The following MRGPRG variants were observed in gnomAD, a reference collection of about 807,000 sequenced individuals.
The protein encoded by MRGPRG is MAS related GPR family member G.
For synonymous variants in MRGPRG, 216 were observed against 206.7 expected (o/e 1.05, Z -0.39); for missense variants, 395 against 394.7 (o/e 1.00, Z -0.01).
rs1407286252 is a variant in MRGPRG, at chr11:3,218,039, T to C, written c.775A>G (p.Lys259Glu). 6.5e-7 allele frequency: 1 copy of C among 1,543,660 alleles called. No individual in the cohort carries two copies. Among genetic ancestry groups the C allele is most frequent in the Non-Finnish European group, 8.7e-7 (1 of 1,143,090 alleles). ...IYSGLGRQPGKREPLRSVLRR... is the reference protein window; with the variant it reads ...IYSGLGRQPGEREPLRSVLRR... ...AGTACCGACCTCAGCGGCTCCCGCT[T>C]CCCGGGCTGTCGGCCCAACCCCGAG... Residue 259 changes from lysine (K) to glutamate (E), a missense_variant, in exon 1 of 1, where the codon AAG (lysine) becomes GAG (glutamate). Transcript: ENST00000332314.
rs781603778 is a variant in MRGPRG at position 3,218,385 on chromosome 11, G to A, written c.429C>T (p.Ala143=). ...ACGCGCTGTTGCGCAGCAGGCCGCA[G>A]GCGTTGGCGGGCAGCGGCACGGCCG... ...TLPAVPLPAN[A]CGLLRNSACP... is the part of the protein sequence containing the mutation. Residue 143 remains alanine, a synonymous_variant, in exon 1 of 1, where the codon GCC becomes GCT. Coordinates refer to ENST00000332314, the MANE Select transcript of MRGPRG (RefSeq NM_001164377.1). 49 of 1,494,442 alleles carry A rather than the reference G, an allele frequency of 3.3e-5. 2 individuals are homozygous for A. The South Asian group carries it at 6.1e-4, about 19-fold the overall frequency. 92.6% of individuals were successfully genotyped at this position (1,494,442 alleles called of 1,614,324 possible). A position where few individuals can be genotyped will look rare whatever the true frequency, so the allele number is the denominator to read the frequency against.
In MRGPRG at chr11:3,218,104, A is replaced by G. The variant is rs1165717389; in HGVS notation, c.710T>C (p.Leu237Pro). 2.2e-5 allele frequency: 34 copies of G among 1,544,776 alleles called. 4 individuals carry two copies. The highest frequency in any genetic ancestry group is 2.2e-5 in the Non-Finnish European group (25 of 1,143,486). ...GGAGCTGCTGTTGACGCAGGCCAGC[A>G]GCGTGGCCAGCGGGGAAAACACGGG... Reference protein sequence around the residue: ...LLPVFSPLATLLACVNSSSKP... With the variant: ...LLPVFSPLATPLACVNSSSKP... Residue 237 changes from leucine to proline, a missense_variant, in exon 1 of 1, where the codon CTG becomes CCG. Leu to Pro is a moderately conservative substitution (Grantham distance 98). Transcript: ENST00000332314.
In MRGPRG at chr11:3,218,191, A is replaced by G. The variant is rs762934321; in HGVS notation, c.623T>C (p.Phe208Ser). The G allele has an allele frequency of 1.3e-5, 20 of 1,540,754 alleles. 1 individual carries two copies. Among genetic ancestry groups the G allele is most frequent in the Non-Finnish European group, 1.5e-5 (17 of 1,140,984 alleles). ...GIVLGALLLL[F>S]FCGLPSVFYW... ...GAAGACCGAGGGCAGGCCACAGAAG[A>G]AGAGCAGGAGCAGCGCGCCCAGGAC... The change falls in exon 1 of 1, where the codon TTC becomes TCC. Residue 208 changes from phenylalanine (F) to serine (S), a missense_variant. By Grantham distance (155) the Phe-to-Ser change is radical. Transcript: ENST00000332314.
At position 3,218,644 on chromosome 11, in the gene MRGPRG, T is replaced by C. The variant is rs924402559; in HGVS notation, c.170A>G (p.Asp57Gly). The C allele has an allele frequency of 2.6e-6, 4 of 1,545,662 alleles. No individual in the cohort carries two copies. The African/African-American group carries it at 5.5e-5, about 21-fold the overall frequency. The change falls in exon 1 of 1, where the codon GAC becomes GGC. Residue 57 changes from aspartate (D) to glycine (G), a missense_variant. Coordinates refer to ENST00000332314, the MANE Select transcript of MRGPRG (RefSeq NM_001164377.1). ...SIYLLHLAAA[D>G]FLFLSCRVGF... ...CACACGGCAGGAGAGGAACAGGAAGTCGGCGGCGGCCAGGTGCAGCAGGTA... is the reference window on the plus strand; with the variant it reads ...CACACGGCAGGAGAGGAACAGGAAGCCGGCGGCGGCCAGGTGCAGCAGGTA...
Position 3,218,317 on chromosome 11 carries a change from C to G in MRGPRG, c.497G>C (p.Trp166Ser). 1 of 1,455,176 alleles carries G rather than the reference C, an allele frequency of 6.9e-7. No homozygotes were observed. Among genetic ancestry groups the G allele is most frequent in the Non-Finnish European group, 9.1e-7 (1 of 1,103,144 alleles). 90.1% of individuals were successfully genotyped at this position (1,455,176 alleles called of 1,614,324 possible). A position where few individuals can be genotyped will look rare whatever the true frequency, so the allele number is the denominator to read the frequency against. ...GGCGACGCGGGCCAGCACCAGGAAC[C>G]AGGTGACGCTGGCCACGTGGTAGCG... The part of the protein sequence containing the change: ...CPRYHVASVT[W>S]FLVLARVAWT... The change falls in exon 1 of 1, where the codon TGG (tryptophan) becomes TCG (serine). Residue 166 changes from tryptophan (W) to serine (S), a missense_variant. Coordinates refer to ENST00000332314, the MANE Select transcript of MRGPRG (RefSeq NM_001164377.1).
Position 3,218,401 on chromosome 11 carries a change from G to C in MRGPRG, c.413C>G (p.Pro138Arg), listed in dbSNP as rs1847647245. ...CAGGCCGCAGGCGTTGGCGGGCAGC[G>C]GCACGGCCGGCAGGGTCGGGGTCCA... ...LVWTPTLPAV[P>R]LPANACGLLR... is the part of the protein sequence containing the mutation. The change falls in exon 1 of 1, where the codon CCG becomes CGG. Residue 138 changes from proline (P) to arginine (R), a missense_variant. Pro to Arg is a moderately radical substitution (Grantham distance 103). Transcript: ENST00000332314. 1 of 1,508,502 alleles carries C rather than the reference G, an allele frequency of 6.6e-7. No homozygotes were observed. The highest frequency in any genetic ancestry group is 8.8e-7 in the Non-Finnish European group (1 of 1,130,924). 93.4% of individuals were successfully genotyped at this position (1,508,502 alleles called of 1,614,324 possible).
At position 3,218,740 on chromosome 11, in the gene MRGPRG, C is replaced by T; in HGVS notation, c.74G>A (p.Gly25Glu). 1.3e-6 allele frequency: 2 copies of T among 1,546,032 alleles called. No individual in the cohort carries two copies. Among genetic ancestry groups the T allele is most frequent in the African/African-American group, 1.4e-5 (1 of 72,866 alleles). ...CACCAGCCCGTTACCTACCGGTCCC[C>T]CGAGGCCCACGATCAGCGTCAGGTA... ...VFYLTLIVGL[G>E]GPVGNGLVLW... Residue 25 changes from glycine (G) to glutamate (E), a missense_variant, in exon 1 of 1, where the codon GGG (glycine) becomes GAG (glutamate). Gly to Glu is a moderately conservative substitution (Grantham distance 98). Coordinates refer to ENST00000332314, the MANE Select transcript of MRGPRG (RefSeq NM_001164377.1).
chr11:3,218,160 C>G lies in MRGPRG; in HGVS notation c.654G>C (p.Trp218Cys). The change falls in exon 1 of 1, where the codon TGG becomes TGC. Residue 218 changes from tryptophan to cysteine, a missense_variant. By Grantham distance (215) the Trp-to-Cys change is radical. Coordinates refer to ENST00000332314, the MANE Select transcript of MRGPRG (RefSeq NM_001164377.1). ...GGAAGTTCAGCAGGGGCTGCAGGCTCCAGTAGAAGACCGAGGGCAGGCCAC... is the reference window on the plus strand; with the variant it reads ...GGAAGTTCAGCAGGGGCTGCAGGCTGCAGTAGAAGACCGAGGGCAGGCCAC... ...FFCGLPSVFY[W>C]SLQPLLNFLL... 1 of 1,544,240 alleles carries G rather than the reference C, an allele frequency of 6.5e-7. No individual in the cohort carries two copies.
In MRGPRG at chr11:3,218,556, G is replaced by A. The variant is rs1847649847; in HGVS notation, c.258C>T (p.Phe86=). 1 of 1,545,694 alleles carries A rather than the reference G, an allele frequency of 6.5e-7. No individual in the cohort carries two copies. Among genetic ancestry groups the A allele is most frequent in the African/African-American group, 1.4e-5 (1 of 72,846 alleles). ...AQDTLYFVLT[F]LWFAVGLWLL... Reference sequence around the variant, plus strand: ...GCCAGAGCCCCACCGCGAACCACAGGAAGGTGAGCACGAAGTAGAGTGTGT... The same window carrying A: ...GCCAGAGCCCCACCGCGAACCACAGAAAGGTGAGCACGAAGTAGAGTGTGT... The change falls in exon 1 of 1, where the codon TTC becomes TTT. Residue 86 remains phenylalanine (F), a synonymous_variant. Coordinates refer to ENST00000332314, the MANE Select transcript of MRGPRG (RefSeq NM_001164377.1).
In MRGPRG at chr11:3,218,742, G is replaced by A. The variant is rs1305088259; in HGVS notation, c.72C>T (p.Leu24=). Residue 24 remains leucine (L), a synonymous_variant, in exon 1 of 1, where the codon CTC becomes CTT. Coordinates refer to ENST00000332314, the MANE Select transcript of MRGPRG (RefSeq NM_001164377.1). Reference sequence around the variant, plus strand: ...CCAGCCCGTTACCTACCGGTCCCCCGAGGCCCACGATCAGCGTCAGGTAGA... The same window carrying A: ...CCAGCCCGTTACCTACCGGTCCCCCAAGGCCCACGATCAGCGTCAGGTAGA... The part of the protein sequence containing the change: ...VVFYLTLIVG[L]GGPVGNGLVL... 10 of 1,545,992 alleles carry A rather than the reference G, an allele frequency of 6.5e-6. 3 individuals are homozygous for A. Among genetic ancestry groups the A allele is most frequent in the Non-Finnish European group, 8.7e-6 (10 of 1,143,776 alleles).
rs1029122236 is a variant in MRGPRG at position 3,218,193 on chromosome 11, G to A, written c.621C>T (p.Leu207=). ...YGIVLGALLL[L]FFCGLPSVFY... is the part of the protein sequence containing the mutation. ...AGACCGAGGGCAGGCCACAGAAGAAGAGCAGGAGCAGCGCGCCCAGGACGA... is the reference window on the plus strand; with the variant it reads ...AGACCGAGGGCAGGCCACAGAAGAAAAGCAGGAGCAGCGCGCCCAGGACGA... Residue 207 remains leucine, a synonymous_variant, in exon 1 of 1, where the codon CTC becomes CTT. Transcript: ENST00000332314. 2 of 1,539,534 alleles carry A rather than the reference G, an allele frequency of 1.3e-6. No homozygotes were observed. Among genetic ancestry groups the A allele is most frequent in the African/African-American group, 1.4e-5 (1 of 72,690 alleles).
At position 3,218,243 on chromosome 11, in the gene MRGPRG, G is replaced by A. The variant is rs1464267464; in HGVS notation, c.571C>T (p.Arg191Cys). ...ATGCCGTAGAGCCTGGGCCGCGGGC[G>A]AGTGGAGCAGCAGGTCACCCAGACA... Reference protein sequence around the residue: ...LFVWVTCCSTRPRPRLYGIVL... With the variant: ...LFVWVTCCSTCPRPRLYGIVL... Residue 191 changes from arginine to cysteine, a missense_variant, in exon 1 of 1, where the codon CGC (arginine) becomes TGC (cysteine). By Grantham distance (180) the Arg-to-Cys change is radical. Transcript: ENST00000332314. 15 of 1,497,890 alleles carry A rather than the reference G, an allele frequency of 1.0e-5. No homozygotes were observed. Among genetic ancestry groups the A allele is most frequent in the Middle Eastern group, 3.5e-4 (2 of 5,712 alleles). The allele number at this position is 1,497,890 out of a possible 1,614,324, so 92.8% of individuals were successfully genotyped here.
In MRGPRG at chr11:3,218,523, C is replaced by T. The variant is rs959957802; in HGVS notation, c.291G>A (p.Ala97=). 1.8e-5 allele frequency: 28 copies of T among 1,545,072 alleles called. No individual in the cohort carries two copies. The African/African-American group carries it at 2.9e-4, about 16-fold the overall frequency. ...AGAGGCAGCGCTCCACGCTGAAGGCCGCCAGCAGCCAGAGCCCCACCGCGA... is the reference window on the plus strand; with the variant it reads ...AGAGGCAGCGCTCCACGCTGAAGGCTGCCAGCAGCCAGAGCCCCACCGCGA... ...LWFAVGLWLL[A]AFSVERCLSD... is the part of the protein sequence containing the mutation. Residue 97 remains alanine (A), a synonymous_variant, in exon 1 of 1, where the codon GCG becomes GCA. Transcript: ENST00000332314.
Position 3,218,086 on chromosome 11 carries a change from C to T in MRGPRG, c.728G>A (p.Ser243Asn), listed in dbSNP as rs2134620046. ...CGAGTAGATGAGGGGCTTGGAGCTG[C>T]TGTTGACGCAGGCCAGCAGCGTGGC... ...PLATLLACVN[S>N]SSKPLIYSGL... The change falls in exon 1 of 1, where the codon AGC (serine) becomes AAC (asparagine). Residue 243 changes from serine (S) to asparagine (N), a missense_variant. Coordinates refer to ENST00000332314, the MANE Select transcript of MRGPRG (RefSeq NM_001164377.1). 3 of 1,545,092 alleles carry T rather than the reference C, an allele frequency of 1.9e-6. No homozygotes were observed. The East Asian group carries it at 7.3e-5, about 38-fold the overall frequency.
rs959957802 is a variant in MRGPRG at position 3,218,523 on chromosome 11, C to A, written c.291G>T (p.Ala97=). The A allele has an allele frequency of 2.6e-6, 4 of 1,545,182 alleles. No individual in the cohort carries two copies. In the Admixed American group the frequency reaches 7.9e-5, roughly 30 times the overall value. ...LWFAVGLWLL[A]AFSVERCLSD... is the part of the protein sequence containing the mutation. ...AGAGGCAGCGCTCCACGCTGAAGGC[C>A]GCCAGCAGCCAGAGCCCCACCGCGA... is the stretch of plus-strand genomic sequence containing the variant. The change falls in exon 1 of 1, where the codon GCG becomes GCT. Residue 97 remains alanine, a synonymous_variant. Transcript: ENST00000332314.
rs111693331 is a variant in MRGPRG, at chr11:3,218,588, C to A, written c.226G>T (p.Ala76Ser). Reference sequence around the variant, plus strand: ...AGCACGAAGTAGAGTGTGTCCTGGGCGCCCAGGGCAGCCTGAGCCACGGAG... The same window carrying A: ...AGCACGAAGTAGAGTGTGTCCTGGGAGCCCAGGGCAGCCTGAGCCACGGAG... ...GFSVAQAALG[A>S]QDTLYFVLTF... is the part of the protein sequence containing the mutation. The change falls in exon 1 of 1, where the codon GCC becomes TCC. Residue 76 changes from alanine to serine, a missense_variant. Ala to Ser is a moderately conservative substitution (Grantham distance 99, BLOSUM62 1). Transcript: ENST00000332314. 1.3e-6 allele frequency: 2 copies of A among 1,545,470 alleles called. 1 individual carries two copies.
In MRGPRG at chr11:3,218,544, C is replaced by T; in HGVS notation, c.270G>A (p.Ala90=). The change falls in exon 1 of 1, where the codon GCG becomes GCA. Residue 90 remains alanine (A), a synonymous_variant. Transcript: ENST00000332314. Reference sequence around the variant, plus strand: ...AGGCCGCCAGCAGCCAGAGCCCCACCGCGAACCACAGGAAGGTGAGCACGA... The same window carrying T: ...AGGCCGCCAGCAGCCAGAGCCCCACTGCGAACCACAGGAAGGTGAGCACGA... ...LYFVLTFLWF[A]VGLWLLAAFS... 1 of 1,545,458 alleles carries T rather than the reference C, an allele frequency of 6.5e-7. No homozygotes were observed. The highest frequency in any genetic ancestry group is 8.7e-7 in the Non-Finnish European group (1 of 1,143,884).
In MRGPRG at chr11:3,218,080, G is replaced by A; in HGVS notation, c.734C>T (p.Ser245Phe). ...ATLLACVNSS[S>F]KPLIYSGLGR... ...CAACCCCGAGTAGATGAGGGGCTTGGAGCTGCTGTTGACGCAGGCCAGCAG... is the reference window on the plus strand; with the variant it reads ...CAACCCCGAGTAGATGAGGGGCTTGAAGCTGCTGTTGACGCAGGCCAGCAG... Residue 245 changes from serine to phenylalanine, a missense_variant, in exon 1 of 1, where the codon TCC becomes TTC. By Grantham distance (155) the Ser-to-Phe change is radical. Coordinates refer to ENST00000332314, the MANE Select transcript of MRGPRG (RefSeq NM_001164377.1). 6.5e-7 allele frequency: 1 copy of A among 1,545,008 alleles called. No homozygotes were observed. Among genetic ancestry groups the A allele is most frequent in the Non-Finnish European group, 8.7e-7 (1 of 1,143,576 alleles).
In MRGPRG at chr11:3,218,100, C is replaced by T; in HGVS notation, c.714G>A (p.Leu238=). ...GCTTGGAGCTGCTGTTGACGCAGGC[C>T]AGCAGCGTGGCCAGCGGGGAAAACA... The part of the protein sequence containing the change: ...LPVFSPLATL[L]ACVNSSSKPL... The change falls in exon 1 of 1, where the codon CTG becomes CTA. Residue 238 remains leucine, a synonymous_variant. Coordinates refer to ENST00000332314, the MANE Select transcript of MRGPRG (RefSeq NM_001164377.1). 1 of 1,545,010 alleles carries T rather than the reference C, an allele frequency of 6.5e-7. No individual in the cohort carries two copies. Among genetic ancestry groups the T allele is most frequent in the Non-Finnish European group, 8.7e-7 (1 of 1,143,582 alleles).
Sources: allele counts gnomAD v4.1 joint callset, GRCh38; gene constraint gnomAD v4.1.1; transcripts MANE v1.5; gene names NCBI Gene and HGNC (gene_info 2026-07-23, HGNC 2026-07-21).